The following PARP9 variants were observed in gnomAD, a reference collection of about 807,000 sequenced individuals.
PARP9 encodes the protein poly(ADP-ribose) polymerase family member 9.
A neutral mutation model predicts 68.8 loss-of-function variants in PARP9; 48 were observed. The ratio of observed to expected loss-of-function variants is 0.70; its 90% CI spans 0.55 to 0.89. PARP9 has a LOEUF of 0.89. PARP9 is among the 40% of genes least tolerant of loss of function. The pLI is 0.00. For synonymous variants in PARP9, 309 were observed against 333.8 expected, an observed-to-expected ratio of 0.93 and a Z score of 0.81; for missense variants, 806 against 969.3, an observed-to-expected ratio of 0.83 and a Z score of 2.24.
rs895241541 is a variant in PARP9, at chr3:122,528,003, T to C, written c.*361A>G. 2 of 158,504 alleles carry C rather than the reference T, an allele frequency of 1.3e-5. No individual in the cohort carries two copies. The highest frequency in any genetic ancestry group is 4.8e-5 in the African/African-American group (2 of 41,720). The allele number at this position is 158,504 out of a possible 1,614,324, so 9.8% of individuals were successfully genotyped here. A position where few individuals can be genotyped will look rare whatever the true frequency, so the allele number is the denominator to read the frequency against. On this transcript the variant is annotated 3_prime_UTR_variant, in exon 11 of 11. Transcript: ENST00000682323. ...TGGAAAATCTAAAATCATTCTGTTA[T>C]CCTAACATTTTTATACTATCATCAT...
rs752416573 is a variant in PARP9 at position 122,555,559 on chromosome 3, C to G, written c.612G>C (p.Leu204Phe). 1 of 1,614,032 alleles carries G rather than the reference C, an allele frequency of 6.2e-7. No individual in the cohort carries two copies. ...GAGGGAACTGAAAAATCCCAGAGCT[C>G]AAGGCTGGAATTGCTACTGTCTTAA... Reference protein sequence around the residue: ...THIKTVAIPALSSGIFQFPLN... With the variant: ...THIKTVAIPAFSSGIFQFPLN... The change falls in exon 4 of 11, where the codon TTG becomes TTC. Residue 204 changes from leucine to phenylalanine, a missense_variant. By Grantham distance (22) the Leu-to-Phe change is conservative. Coordinates refer to ENST00000682323, the MANE Select transcript of PARP9 (RefSeq NM_001146105.2).
chr3:122,532,108 C>T (rs2077354136), intron 10 of PARP9: 5 of 978,132 alleles, frequency 5.1e-6, no homozygotes, highest in Non-Finnish European at 6.1e-6. Context: ...AGCTTCATCA[C>T]CTGAGTGGAG....
intron 9 of PARP9, chr3:122,536,563 T>G: frequency 1.2e-6 from 1 of 846,512 alleles, no homozygotes; most frequent in Non-Finnish European, 1.7e-6. Flanking sequence ...TAAATTCCTT[T>G]AACAAAAATT....
rs181144868 is a variant in PARP9 at position 122,531,088 on chromosome 3, G to C, written c.2081-2345C>G. Among the ~76,000 whole-genome samples, 57 of 152,238 alleles carry C rather than the reference G, an allele frequency of 3.7e-4. No individual in the cohort carries two copies. In the East Asian group the frequency reaches 7.7e-3, roughly 21 times the overall value. On this transcript the variant is annotated intron_variant, in intron 10 of 10. Coordinates refer to ENST00000682323, the MANE Select transcript of PARP9 (RefSeq NM_001146105.2). ...AGATATTTTACATTCTTTTGTAGTA[G>C]GTCTTTGAAATCCGGTGTGTATTTT...
chr3:122,545,405 T>C, intron 7 of PARP9, 27 bp downstream of exon 7: 1 of 1,611,360 alleles, frequency 6.2e-7, no homozygotes, highest in Non-Finnish European at 8.5e-7. Context: ...GCGACCCTAC[T>C]TATTGGCCTG....
Position 122,555,612 on chromosome 3 carries a change from T to A in PARP9, c.559A>T (p.Asn187Tyr). ...TGAGTATTTTTATAGATGACATAAT[T>A]CAGAATACTTACAATGGCCCTCTGC... ...KLQRAIVSIL[N>Y]YVIYKNTHIK... The change falls in exon 4 of 11, where the codon AAT becomes TAT. Residue 187 changes from asparagine to tyrosine, a missense_variant. By Grantham distance (143) the Asn-to-Tyr change is moderately radical. Coordinates refer to ENST00000682323, the MANE Select transcript of PARP9 (RefSeq NM_001146105.2). The A allele has an allele frequency of 6.2e-7, 1 of 1,614,100 alleles. No homozygotes were observed. The highest frequency in any genetic ancestry group is 8.5e-7 in the Non-Finnish European group (1 of 1,180,000).
chr3:122,528,878 T>A, intron 10 of PARP9, 135 bp from the exon 11 acceptor site: 1 of 868,936 alleles, frequency 1.2e-6, no homozygotes, highest in African/African-American at 1.7e-5. Flanking sequence ...CCTGTGTCTA[T>A]AGCAAAGACA....
At chr3:122,542,492 C>T (rs1470071868) in intron 7 of PARP9, among the ~76,000 whole-genome samples, 4 of 151,902 alleles carry the variant, frequency 2.6e-5, no homozygotes, top group Non-Finnish European at 4.4e-5. Context: ...CTGCAAGCTC[C>T]GCCTCCCGGG....
At chr3:122,537,773 T>C (rs1054293481) in intron 8 of PARP9, among the ~76,000 whole-genome samples, 4 of 152,024 alleles carry the variant, frequency 2.6e-5, no homozygotes, top group African/African-American at 9.7e-5. Flanking sequence ...CTTCCTCCTT[T>C]CTCCTCCTCC....
In PARP9 at chr3:122,555,517, C is replaced by T. The variant is rs2079563147; in HGVS notation, c.654G>A (p.Lys218=). The stretch of plus-strand genomic sequence containing the variant: ...TAACCCGGATAGTCTCTACAATAGT[C>T]TTTGTACACAAATTCAGAGGGAACT... ...IFQFPLNLCT[K]TIVETIRVSL... The change falls in exon 4 of 11, where the codon AAG becomes AAA. Residue 218 remains lysine (K), a synonymous_variant. Transcript: ENST00000682323. 1 of 1,614,176 alleles carries T rather than the reference C, an allele frequency of 6.2e-7. No homozygotes were observed. Among genetic ancestry groups the T allele is most frequent in the Non-Finnish European group, 8.5e-7 (1 of 1,180,034 alleles).
rs745387273 is a variant in PARP9 at position 122,558,398 on chromosome 3, C to G, written c.49+36G>C. On this transcript the variant is annotated intron_variant, in intron 3 of 10. Coordinates refer to ENST00000682323, the MANE Select transcript of PARP9 (RefSeq NM_001146105.2). The stretch of plus-strand genomic sequence containing the variant: ...CACTGAGGAAAGATCTGAGCAAAGA[C>G]TTTCTGAAACAAGAGTGAGAGCGAG... 3 of 1,614,146 alleles carry G rather than the reference C, an allele frequency of 1.9e-6. No homozygotes were observed. The East Asian group carries it at 6.7e-5, about 36-fold the overall frequency.
At chr3:122,536,832 G>A (rs1441447945) in intron 9 of PARP9, 102 bp downstream of exon 9, 1 of 1,357,362 alleles carries the variant, frequency 7.4e-7, no homozygotes, top group Admixed American at 2.2e-5. Flanking sequence ...AAGTCCATGA[G>A]CAGCCAGCTT....
At chr3:122,536,793 T>C in intron 9 of PARP9, 141 bp downstream of exon 9, 1 of 1,015,668 alleles carries the variant, frequency 9.8e-7, no homozygotes, top group Non-Finnish European at 1.4e-6. Flanking sequence ...TGCCCTGCTC[T>C]CTTTTCAGTC....
intron 1 of PARP9, 108 bp from the exon 2 acceptor site, chr3:122,559,817 C>A: frequency 2.3e-6 from 1 of 442,392 alleles, no homozygotes; most frequent in Non-Finnish European, 4.0e-6. Flanking sequence ...TTGATGAGTT[C>A]TTAATTTCCT....
chr3:122,533,615 C>T (rs985804252), intron 10 of PARP9: 2 of 868,012 alleles, frequency 2.3e-6, no homozygotes, highest in African/African-American at 1.8e-5. Context: ...TTTTTATTTA[C>T]ACTCTATTTC....
At chr3:122,554,726 A>ATATTAT (rs1033151776) in intron 4 of PARP9, among the ~76,000 whole-genome samples, 3 of 152,092 alleles carry the variant, frequency 2.0e-5, no homozygotes, top group South Asian at 2.1e-4. Flanking sequence ...ACTGAATGCT[A>ATATTAT]TATTATTATT....
At chr3:122,543,241 C>G (rs1195290524) in intron 7 of PARP9, among the ~76,000 whole-genome samples, 1 of 150,688 alleles carries the variant, frequency 6.6e-6, no homozygotes, top group Admixed American at 6.6e-5. Context: ...TAACGTACCA[C>G]CTCTCTGCCT....
At position 122,550,614 on chromosome 3, in the gene PARP9, C is replaced by A. The variant is rs779291583; in HGVS notation, c.1296G>T (p.Val432=). Residue 432 remains valine (V), a synonymous_variant, in exon 6 of 11, where the codon GTG becomes GTT. Coordinates refer to ENST00000682323, the MANE Select transcript of PARP9 (RefSeq NM_001146105.2). ...HVKHQLTVKF[V]IFPTDLEIYK... ...ATATCTCCAAATCTGTTGGAAAGAT[C>A]ACAAATTTTACAGTTAACTGGTGTT... 1.2e-6 allele frequency: 2 copies of A among 1,612,952 alleles called. No homozygotes were observed. Among genetic ancestry groups the A allele is most frequent in the African/African-American group, 2.7e-5 (2 of 74,868 alleles).
chr3:122,538,826 G>A (rs897393553), intron 8 of PARP9, among the ~76,000 whole-genome samples: 4 of 150,584 alleles, frequency 2.7e-5, no homozygotes, highest in African/African-American at 9.8e-5. Context: ...TCATAATCTT[G>A]GTTCTTATGC....
Sources: allele counts gnomAD v4.1 joint callset (sites outside exome capture counted in the v4.1 genomes callset), GRCh38; gene constraint gnomAD v4.1.1; transcripts MANE v1.5; gene names NCBI Gene and HGNC (gene_info 2026-07-23, HGNC 2026-07-21).